The following AUTS2 variants were observed in gnomAD, a reference collection of about 807,000 sequenced individuals.
AUTS2 encodes activator of transcription and developmental regulator AUTS2.
A neutral mutation model predicts 112.4 loss-of-function variants in AUTS2; 17 were observed. The ratio of observed to expected loss-of-function variants is 0.15; its 90% CI spans 0.10 to 0.23. The LOEUF (loss-of-function observed/expected upper bound fraction) is 0.23, where lower values mean the gene tolerates loss of function less well. AUTS2 is among the 10% of genes least tolerant of loss of function. The pLI is 1.00. For missense variants in AUTS2, 1,510 were observed against 1,701.6 expected (o/e 0.89, Z 1.98); for synonymous variants, 751 against 702.7 (o/e 1.07, Z -1.09).
intron 1 of AUTS2, among the ~76,000 whole-genome samples, chr7:69,892,918 T>A (rs1794589657): frequency 6.6e-6 from 1 of 152,230 alleles, no homozygotes; most frequent in African/African-American, 2.4e-5. Context: ...CTTTCTGGAC[T>A]ATTCTGTTCC....
chr7:69,663,942 T>G (rs1452247451), intron 1 of AUTS2, among the ~76,000 whole-genome samples: 2 of 152,258 alleles, frequency 1.3e-5, no homozygotes, highest in Admixed American at 1.3e-4. Flanking sequence ...AGAACAAATT[T>G]AAATACTTGA....
intron 1 of AUTS2, among the ~76,000 whole-genome samples, chr7:69,886,763 T>TTG (rs3220664): frequency 0.23 from 30,391 of 129,618 alleles, 3,795 homozygotes; most frequent in Middle Eastern, 0.3. Context: ...TTTGACTTCT[T>TTG]TGTGTGTGTG....
chr7:69,685,632 G>A (rs925077322), intron 1 of AUTS2, among the ~76,000 whole-genome samples: 6 of 152,054 alleles, frequency 3.9e-5, no homozygotes, highest in African/African-American at 1.2e-4. Flanking sequence ...CAGACAAAAG[G>A]TTTTACCAAC....
At chr7:69,699,501 C>G (rs1343571996) in intron 1 of AUTS2, among the ~76,000 whole-genome samples, 1 of 152,136 alleles carries the variant, frequency 6.6e-6, no homozygotes, top group Non-Finnish European at 1.5e-5. Context: ...TTCCATCTCA[C>G]TACAGAGAGA....
rs565574238 is a variant in AUTS2, at chr7:70,375,943, A to G, written c.661-59809A>G. Reference sequence around the variant, plus strand: ...TAAATCATAATATTTTCACAAGAACATGTTCAATCTTGAAATAATGGCCAG... The same window carrying G: ...TAAATCATAATATTTTCACAAGAACGTGTTCAATCTTGAAATAATGGCCAG... On this transcript the variant is annotated intron_variant, in intron 4 of 18. Coordinates refer to ENST00000342771, the MANE Select transcript of AUTS2 (RefSeq NM_015570.4). Among the ~76,000 whole-genome samples the G allele has an allele frequency of 2.6e-5, 4 of 152,184 alleles. No individual in the cohort carries two copies. In the South Asian group the frequency reaches 8.3e-4, roughly 32 times the overall value.
intron 1 of AUTS2, among the ~76,000 whole-genome samples, chr7:69,701,760 A>G (rs139238845): frequency 6.6e-5 from 10 of 152,310 alleles, no homozygotes; most frequent in African/African-American, 1.9e-4. Flanking sequence ...TTGAGGTATT[A>G]TTATCTCCAG....
chr7:70,787,355 G>A lies in AUTS2; in HGVS notation c.2455G>A (p.Ala819Thr), dbSNP rs1353332565. ...WLKPGELERS[A>T]SAAAHDRDRD... ...GAAGCCAGGGGAGCTGGAGCGCAGC[G>A]CGTCCGCTGCAGCTCATGACAGAGA... Residue 819 changes from alanine (A) to threonine (T), a missense_variant, in exon 18 of 19, where the codon GCG (alanine) becomes ACG (threonine). Physicochemically the swap from Ala to Thr is moderately conservative, Grantham distance 58 (BLOSUM62 0). Transcript: ENST00000342771. 1.2e-5 allele frequency: 20 copies of A among 1,613,932 alleles called. No homozygotes were observed. Among genetic ancestry groups the A allele is most frequent in the South Asian group, 5.5e-5 (5 of 91,078 alleles).
chr7:69,812,110 A>G (rs565605385), intron 1 of AUTS2, among the ~76,000 whole-genome samples: 1 of 152,216 alleles, frequency 6.6e-6, no homozygotes, highest in African/African-American at 2.4e-5. Flanking sequence ...TGTGGAAAAC[A>G]TATGCCAGCC....
At chr7:70,274,125 A>T (rs1045482585) in intron 4 of AUTS2, among the ~76,000 whole-genome samples, 8 of 152,128 alleles carry the variant, frequency 5.3e-5, no homozygotes, top group African/African-American at 7.2e-5. Context: ...CGTGAGTCCC[A>T]AATACCAGAT....
intron 2 of AUTS2, among the ~76,000 whole-genome samples, chr7:70,016,398 C>G (rs950546282): frequency 6.6e-6 from 1 of 152,006 alleles, no homozygotes; most frequent in East Asian, 1.9e-4. Context: ...CTGACTTCAC[C>G]ACCAGGATCG....
intron 4 of AUTS2, among the ~76,000 whole-genome samples, chr7:70,231,862 C>T (rs953036293): frequency 6.6e-6 from 1 of 152,174 alleles, no homozygotes; most frequent in Non-Finnish European, 1.5e-5. Flanking sequence ...CAACCTCCAC[C>T]TCCCAAGTTC....
intron 1 of AUTS2, among the ~76,000 whole-genome samples, chr7:69,854,060 T>C (rs139319376): frequency 6.6e-6 from 1 of 152,268 alleles, no homozygotes; most frequent in East Asian, 1.9e-4. Flanking sequence ...ACTCTACCCT[T>C]TTCTCCTTCT....
chr7:70,700,696 T>C (rs1184703448), intron 6 of AUTS2, among the ~76,000 whole-genome samples: 1 of 152,184 alleles, frequency 6.6e-6, no homozygotes, highest in African/African-American at 2.4e-5. Context: ...CAAAAAGGGA[T>C]TCATTGTGTA....
chr7:70,134,765 G>A (rs117863200), intron 4 of AUTS2, among the ~76,000 whole-genome samples, 194 bp downstream of exon 4: 3 of 152,274 alleles, frequency 2.0e-5, no homozygotes, highest in African/African-American at 4.8e-5. Flanking sequence ...GGGATCTTAA[G>A]TAAGTCCGAG....
In AUTS2 at chr7:70,739,003, C is replaced by CTTTTTTTTTTTTTTTTT. The variant is rs57525224; in HGVS notation, c.743-23849_743-23833dup. The stretch of plus-strand genomic sequence containing the variant: ...GGTGATGTCCACGAGGTTTTGAGGC[C>CTTTTTTTTTTTTTTTTT]TTTTTTTTTTTTTTTTTTTTTTTTT... On this transcript the variant is annotated intron_variant, in intron 6 of 18. Transcript: ENST00000342771. 3.5e-4 allele frequency among the ~76,000 whole-genome samples: 20 copies of CTTTTTTTTTTTTTTTTT among 57,308 alleles called. 2 individuals carry two copies. The highest frequency in any genetic ancestry group is 5.4e-4 in the Non-Finnish European group (17 of 31,712). 37.6% of individuals were successfully genotyped at this position (57,308 alleles called of 152,430 possible).
chr7:69,936,005 G>T (rs147902649), intron 2 of AUTS2, among the ~76,000 whole-genome samples: 1 of 152,118 alleles, frequency 6.6e-6, no homozygotes, highest in Non-Finnish European at 1.5e-5. Context: ...GAATTTGTGC[G>T]GCAGGGAATA....
chr7:70,162,781 T>C (rs781734747), intron 4 of AUTS2, among the ~76,000 whole-genome samples: 23 of 152,320 alleles, frequency 1.5e-4, no homozygotes, highest in Non-Finnish European at 2.9e-4. Flanking sequence ...AGCACATCAG[T>C]GCAAATCTTA....
At chr7:69,943,087 G>T (rs977635717) in intron 2 of AUTS2, among the ~76,000 whole-genome samples, 2 of 152,100 alleles carry the variant, frequency 1.3e-5, no homozygotes, top group East Asian at 1.9e-4. Context: ...ATGTGTTTGC[G>T]TTATATATGT....
intron 4 of AUTS2, among the ~76,000 whole-genome samples, chr7:70,363,320 T>C (rs1224973245): frequency 1.3e-5 from 2 of 152,174 alleles, no homozygotes; most frequent in Admixed American, 6.5e-5. Flanking sequence ...TCAAAAATTA[T>C]GGAAAATCTG....
Sources: gnomAD v4.1 joint callset for allele counts (sites outside exome capture counted in the v4.1 genomes callset) on GRCh38, gnomAD v4.1.1 for gene constraint, MANE v1.5 for transcripts, NCBI Gene and HGNC (gene_info 2026-07-23, HGNC 2026-07-21) for gene names.